The following CPZ variants were observed in gnomAD, a reference collection of about 807,000 sequenced individuals.
CPZ encodes the protein VEZT/CPZ fusion.
A neutral mutation model predicts 61.8 loss-of-function variants in CPZ; 103 were observed. That is an observed-to-expected ratio of 1.67 (90% CI 1.42 to 1.96). The LOEUF is 1.96. Among genes scored for constraint, CPZ ranks in the 30% most tolerant of loss-of-function variants. CPZ has a pLI of 0.00. For missense variants in CPZ, 1,461 were observed against 914.9 expected (o/e 1.60, Z -7.70); for synonymous variants, 551 against 373.7 (o/e 1.47, Z -5.47).
Position 8,619,385 on chromosome 4 carries a change from G to T in CPZ, c.1727G>T (p.Arg576Leu), listed in dbSNP as rs139520158. Residue 576 changes from arginine (R) to leucine (L), a missense_variant, in exon 11 of 11, where the codon CGT (arginine) becomes CTT (leucine). Physicochemically the swap from Arg to Leu is moderately radical, Grantham distance 102. Coordinates refer to ENST00000360986, the MANE Select transcript of CPZ (RefSeq NM_001014447.3). ...IIPARMKRAG[R>L]VDFILQPLGM... ...CCCGCCCGGATGAAGAGGGCTGGCC[G>T]TGTGGACTTCATTCTGCAACCTCTG... The T allele has an allele frequency of 6.2e-7, 1 of 1,614,058 alleles. No homozygotes were observed. The highest frequency in any genetic ancestry group is 2.2e-5 in the East Asian group (1 of 44,892).
At chr4:8,618,006 G>A (rs755321474) in intron 9 of CPZ, 4 of 224,598 alleles carry the variant, frequency 1.8e-5, no homozygotes, top group Non-Finnish European at 2.7e-5. Context: ...GAGGGTCCGA[G>A]CACTGTCCTC....
At chr4:8,608,937 A>G (rs1229417151) in intron 7 of CPZ, among the ~76,000 whole-genome samples, 1 of 151,482 alleles carries the variant, frequency 6.6e-6, no homozygotes, top group African/African-American at 2.4e-5. Flanking sequence ...CAGTGACAGC[A>G]ACACCTGGGC....
rs771975534 is a variant in CPZ, at chr4:8,619,326, T to C, written c.1668T>C (p.Pro556=). 1.9e-6 allele frequency: 3 copies of C among 1,614,126 alleles called. No individual in the cohort carries two copies. Among genetic ancestry groups the C allele is most frequent in the South Asian group, 2.2e-5 (2 of 91,060 alleles). Reference sequence around the variant, plus strand: ...TCCACATTGTCATTGCCCAAGCCCCTGGCTACGCCAAAGTCATCAAGAAAG... The same window carrying C: ...TCCACATTGTCATTGCCCAAGCCCCCGGCTACGCCAAAGTCATCAAGAAAG... ...PGIHIVIAQA[P]GYAKVIKKVI... The change falls in exon 11 of 11, where the codon CCT becomes CCC. Residue 556 remains proline, a synonymous_variant. Transcript: ENST00000360986.
At chr4:8,611,890 C>T (rs1338238374) in intron 7 of CPZ, 137 bp from the exon 8 acceptor site, 1 of 1,252,530 alleles carries the variant, frequency 8.0e-7, no homozygotes, top group Non-Finnish European at 1.1e-6. Context: ...GTTCCCCTCT[C>T]CTACCTGCAG....
Position 8,612,066 on chromosome 4 carries a change from C to A in CPZ, c.1267C>A (p.Pro423Thr). 6.2e-7 allele frequency: 1 copy of A among 1,613,890 alleles called. No homozygotes were observed. The highest frequency in any genetic ancestry group is 1.1e-5 in the South Asian group (1 of 91,062). ...GTCCAGAGCCTACGCTGACGTCCAC[C>A]CCATGATGATGGACAGGTCGGAGAA... ...LLSRAYADVH[P>T]MMMDRSENRC... Residue 423 changes from proline (P) to threonine (T), a missense_variant, in exon 8 of 11, where the codon CCC becomes ACC. Pro to Thr is a conservative substitution (Grantham distance 38, BLOSUM62 -1). Transcript: ENST00000360986.
At chr4:8,611,688 C>T (rs1371086537) in intron 7 of CPZ, among the ~76,000 whole-genome samples, 1 of 152,182 alleles carries the variant, frequency 6.6e-6, no homozygotes, top group African/African-American at 2.4e-5. Flanking sequence ...TCAAGCCAAC[C>T]TGCACACACC....
At chr4:8,598,273 A>C (rs1714325415) in intron 1 of CPZ, among the ~76,000 whole-genome samples, 1 of 152,236 alleles carries the variant, frequency 6.6e-6, no homozygotes, top group South Asian at 2.1e-4. Flanking sequence ...ACCCAGTCCC[A>C]GGAAGTTCCC....
At chr4:8,594,304 C>T (rs1272058304) in intron 1 of CPZ, among the ~76,000 whole-genome samples, 7 of 152,204 alleles carry the variant, frequency 4.6e-5, no homozygotes, top group African/African-American at 1.7e-4. Flanking sequence ...GGTCCCCCAC[C>T]CCGGGCTGCC....
intron 1 of CPZ, among the ~76,000 whole-genome samples, chr4:8,599,031 C>G (rs1357163149): frequency 1.3e-5 from 2 of 152,196 alleles, no homozygotes; most frequent in Non-Finnish European, 2.9e-5. Context: ...ACAGTTAAAA[C>G]TTTTGGAATC....
intron 6 of CPZ, 27 bp downstream of exon 6, chr4:8,606,925 T>A (rs1321168699): frequency 3.8e-6 from 6 of 1,569,702 alleles, no homozygotes; most frequent in Non-Finnish European, 5.2e-6. Flanking sequence ...CCCATGCTGG[T>A]CTCCACCAAG....
intron 7 of CPZ, among the ~76,000 whole-genome samples, chr4:8,609,051 C>CCTCA (rs1222749535): frequency 2.3e-4 from 22 of 94,226 alleles, no homozygotes; most frequent in Non-Finnish European, 3.5e-4. Context: ...TCACTCCCTC[C>CCTCA]CTCCCTCACT....
rs202089730 is a variant in CPZ at position 8,619,543 on chromosome 4, G to C, written c.1885G>C (p.Gly629Arg). Residue 629 changes from glycine (G) to arginine (R), a missense_variant, in exon 11 of 11, where the codon GGG becomes CGG. Gly to Arg is a moderately radical substitution (Grantham distance 125). Transcript: ENST00000360986. ...GGCGCGCAGGCAGCCCTCGGCCGAC[G>C]GGAGTAAGCCCTGGTGGTGGTCCTA... ...LRARRQPSAD[G>R]SKPWWWSYFT... 7 of 1,570,492 alleles carry C rather than the reference G, an allele frequency of 4.5e-6. No homozygotes were observed. The highest frequency in any genetic ancestry group is 5.2e-6 in the Non-Finnish European group (6 of 1,157,576).
chr4:8,616,796 G>A (rs1716209280), intron 9 of CPZ, among the ~76,000 whole-genome samples: 2 of 152,192 alleles, frequency 1.3e-5, no homozygotes, highest in African/African-American at 4.8e-5. Flanking sequence ...CGCTAAATGC[G>A]AGTCCATGAG....
intron 1 of CPZ, among the ~76,000 whole-genome samples, chr4:8,595,209 G>A (rs1235668183): frequency 6.6e-6 from 1 of 152,198 alleles, no homozygotes; most frequent in Non-Finnish European, 1.5e-5. Flanking sequence ...GCACACATTG[G>A]TTTGATCTTG....
At position 8,619,417 on chromosome 4, in the gene CPZ, G is replaced by C; in HGVS notation, c.1759G>C (p.Gly587Arg). The C allele has an allele frequency of 1.2e-6, 2 of 1,614,134 alleles. No individual in the cohort carries two copies. The highest frequency in any genetic ancestry group is 2.2e-5 in the South Asian group (2 of 91,050). ...VDFILQPLGM[G>R]PKNFIHGLRR... ...CTTCATTCTGCAACCTCTGGGGATG[G>C]GACCCAAGAACTTTATTCATGGGCT... Residue 587 changes from glycine (G) to arginine (R), a missense_variant, in exon 11 of 11, where the codon GGA becomes CGA. Coordinates refer to ENST00000360986, the MANE Select transcript of CPZ (RefSeq NM_001014447.3).
intron 4 of CPZ, among the ~76,000 whole-genome samples, chr4:8,605,640 T>TCCA (rs1714930621): frequency 3.3e-5 from 5 of 151,074 alleles, no homozygotes; most frequent in African/African-American, 9.8e-5. Flanking sequence ...GATATATCCA[T>TCCA]TCATCCACTC....
chr4:8,609,736 C>T (rs1394638793), intron 7 of CPZ, among the ~76,000 whole-genome samples: 1 of 152,230 alleles, frequency 6.6e-6, no homozygotes. Context: ...ATGTTCACCC[C>T]AGTGAGTCCC....
chr4:8,605,330 C>CTATCCATCCATCATTTATG (rs1553876725), intron 4 of CPZ, among the ~76,000 whole-genome samples: 9 of 149,202 alleles, frequency 6.0e-5, no homozygotes, highest in African/African-American at 2.3e-4. Context: ...ATTCATCCAT[C>CTATCCATCCATCATTTATG]CATCCATCCA....
chr4:8,618,256 G>T (rs145963137), intron 9 of CPZ, 173 bp from the exon 10 acceptor site: 2 of 615,984 alleles, frequency 3.2e-6, no homozygotes, highest in Non-Finnish European at 5.8e-6. Context: ...GCCCAGAGAG[G>T]GGAGTGACTG....
Sources: gnomAD v4.1 joint callset for allele counts (sites outside exome capture counted in the v4.1 genomes callset) on GRCh38, gnomAD v4.1.1 for gene constraint, MANE v1.5 for transcripts, NCBI Gene and HGNC (gene_info 2026-07-23, HGNC 2026-07-21) for gene names.